HS6ST3: variants seen among roughly 807,000 people sequenced by gnomAD.
The protein encoded by HS6ST3 is heparan sulfate 6-O-sulfotransferase 3.
A neutral mutation model predicts 36.7 loss-of-function variants in HS6ST3; 12 were observed. The ratio of observed to expected loss-of-function variants is 0.33; its 90% confidence interval spans 0.21 to 0.53. The LOEUF is 0.53. HS6ST3 is among the 20% of genes least tolerant of loss of function. HS6ST3 has a pLI of 0.95. For missense variants in HS6ST3, 584 were observed against 640.9 expected (o/e 0.91, Z 0.96); for synonymous variants, 240 against 257.5 (o/e 0.93, Z 0.65).
intron 1 of HS6ST3, among the ~76,000 whole-genome samples, chr13:96,699,476 G>A (rs1875226743): frequency 6.6e-6 from 1 of 152,170 alleles, no homozygotes; most frequent in Admixed American, 6.5e-5. Context: ...CATTTATGCA[G>A]CCAACGGACA....
At chr13:96,649,794 A>T (rs191225043) in intron 1 of HS6ST3, among the ~76,000 whole-genome samples, 26 of 152,016 alleles carry the variant, frequency 1.7e-4, no homozygotes, top group Admixed American at 1.2e-3. Context: ...AGATAATGTC[A>T]CTCCCTGACT....
intron 1 of HS6ST3, among the ~76,000 whole-genome samples, chr13:96,695,756 A>G (rs551840703): frequency 3.3e-5 from 5 of 152,146 alleles, no homozygotes; most frequent in African/African-American, 1.2e-4. Context: ...CCTTTGATAT[A>G]GCAATTTCTC....
At chr13:96,129,251 T>C (rs964534630) in intron 1 of HS6ST3, among the ~76,000 whole-genome samples, 3 of 152,230 alleles carry the variant, frequency 2.0e-5, no homozygotes, top group Non-Finnish European at 2.9e-5. Context: ...GGTGGTGATA[T>C]AGGCAACAGC....
At chr13:96,317,350 A>ATAAT (rs1555297609) in intron 1 of HS6ST3, among the ~76,000 whole-genome samples, 4 of 83,598 alleles carry the variant, frequency 4.8e-5, no homozygotes, top group African/African-American at 1.9e-4. Context: ...ATATATATAT[A>ATAAT]TATATATATA....
intron 1 of HS6ST3, among the ~76,000 whole-genome samples, chr13:96,094,015 C>T (rs2053777889): frequency 6.6e-6 from 1 of 152,018 alleles, no homozygotes; most frequent in African/African-American, 2.4e-5. Context: ...GCTTTTGGTC[C>T]CCCCAAAGCG....
chr13:96,136,682 C>T (rs1212851416), intron 1 of HS6ST3, among the ~76,000 whole-genome samples: 4 of 130,524 alleles, frequency 3.1e-5, no homozygotes, highest in Admixed American at 1.7e-4. Flanking sequence ...TGTTATGAAA[C>T]ATATATATAT....
chr13:96,118,451 A>G (rs1004169302), intron 1 of HS6ST3, among the ~76,000 whole-genome samples: 14 of 151,888 alleles, frequency 9.2e-5, no homozygotes, highest in African/African-American at 3.4e-4. Context: ...TGCTTAAGCT[A>G]CCAAGTTTGT....
At chr13:96,514,600 G>A (rs552458477) in intron 1 of HS6ST3, among the ~76,000 whole-genome samples, 5 of 152,246 alleles carry the variant, frequency 3.3e-5, no homozygotes, top group African/African-American at 4.8e-5. Flanking sequence ...GCGAGAAGGC[G>A]GCTGCCGACA....
intron 1 of HS6ST3, among the ~76,000 whole-genome samples, chr13:96,379,879 C>T (rs2055332720): frequency 6.6e-6 from 1 of 152,122 alleles, no homozygotes; most frequent in Non-Finnish European, 1.5e-5. Context: ...ATTGTGGCAA[C>T]AGCCTAGTGC....
chr13:96,573,370 C>A (rs1371908806), intron 1 of HS6ST3, among the ~76,000 whole-genome samples: 1 of 152,098 alleles, frequency 6.6e-6, no homozygotes, highest in Non-Finnish European at 1.5e-5. Context: ...GCCTATGGGC[C>A]TGCTTTTCTC....
chr13:96,207,569 G>A (rs1231167848), intron 1 of HS6ST3, among the ~76,000 whole-genome samples: 2 of 151,988 alleles, frequency 1.3e-5, no homozygotes, highest in Non-Finnish European at 2.9e-5. Flanking sequence ...CAAAGACATG[G>A]AATCAACCTA....
rs2055958493 is a variant in HS6ST3 at position 96,493,771 on chromosome 13, C to T, written c.708-338719C>T. On this transcript the variant is annotated intron_variant, in intron 1 of 1. Transcript: ENST00000376705. ...GTTATGTCTTTTTAACTTCAAATAA[C>T]ACATGCTGGAGATCAGAGTAGTGGA... 2.6e-5 allele frequency among the ~76,000 whole-genome samples: 4 copies of T among 152,212 alleles called. No homozygotes were observed. In the South Asian group the frequency reaches 8.3e-4, roughly 32 times the overall value.
rs1566302700 is a variant in HS6ST3 at position 96,254,490 on chromosome 13, T to TACACAC, written c.707+162922_707+162923insCACACA. On this transcript the variant is annotated intron_variant, in intron 1 of 1. Transcript: ENST00000376705. The stretch of plus-strand genomic sequence containing the variant: ...ATATATATATATATATATATATATA[T>TACACAC]ATATATATACACATACATACACACA... Among the ~76,000 whole-genome samples the TACACAC allele has an allele frequency of 6.9e-4, 19 of 27,412 alleles. 1 individual carries two copies. Among genetic ancestry groups the TACACAC allele is most frequent in the African/African-American group, 2.4e-3 (17 of 7,102 alleles). 18.0% of individuals were successfully genotyped at this position (27,412 alleles called of 152,430 possible).
intron 1 of HS6ST3, among the ~76,000 whole-genome samples, chr13:96,206,777 C>T (rs964220702): frequency 6.6e-6 from 1 of 152,042 alleles, no homozygotes; most frequent in Non-Finnish European, 1.5e-5. Context: ...TGAAATTGGA[C>T]CCCTTCCTTA....
chr13:96,660,500 A>G (rs1004100461), intron 1 of HS6ST3, among the ~76,000 whole-genome samples: 1 of 152,174 alleles, frequency 6.6e-6, no homozygotes, highest in African/African-American at 2.4e-5. Context: ...TTTGACTCTT[A>G]TCTTATACCA....
At chr13:96,190,116 G>A (rs2054282176) in intron 1 of HS6ST3, among the ~76,000 whole-genome samples, 2 of 152,194 alleles carry the variant, frequency 1.3e-5, no homozygotes, top group Admixed American at 1.3e-4. Context: ...GATGTCCAAT[G>A]GAAGCTTATA....
At chr13:96,722,988 CGTGTGTGTGTGTGT>C (rs34651683) in intron 1 of HS6ST3, among the ~76,000 whole-genome samples, 30 of 143,672 alleles carry the variant, frequency 2.1e-4, no homozygotes, top group South Asian at 2.3e-4. Flanking sequence ...AAAAAATATA[CGTGTGTGTGTGTGT>C]GTGTGTGTGT....
intron 1 of HS6ST3, among the ~76,000 whole-genome samples, chr13:96,824,066 A>G (rs937488755): frequency 1.3e-5 from 2 of 152,228 alleles, no homozygotes; most frequent in Non-Finnish European, 2.9e-5. Context: ...TCAGATGCAT[A>G]TGTGAGGAAA....
At chr13:96,525,465 C>T (rs1244680056) in intron 1 of HS6ST3, among the ~76,000 whole-genome samples, 2 of 152,074 alleles carry the variant, frequency 1.3e-5, no homozygotes, top group East Asian at 1.9e-4. Flanking sequence ...TGGCTGTTAC[C>T]TCTACAGCCG....
Sources: allele counts gnomAD v4.1 joint callset (sites outside exome capture counted in the v4.1 genomes callset), GRCh38; gene constraint gnomAD v4.1.1; transcripts MANE v1.5; gene names NCBI Gene and HGNC (gene_info 2026-07-23, HGNC 2026-07-21).